The following RLN2 variants were observed in gnomAD, a reference collection of about 807,000 sequenced individuals.
RLN2 encodes the protein relaxin 2.
A neutral mutation model predicts 7.3 loss-of-function variants in RLN2; 10 were observed. The ratio of observed to expected loss-of-function variants is 1.36; its 90% CI spans 0.84 to 2.31. RLN2 has a LOEUF of 2.31. Among genes scored for constraint, RLN2 ranks in the 30% most tolerant of loss-of-function variants. RLN2 has a pLI of 0.00. For missense variants in RLN2, 298 were observed against 217.6 expected (o/e 1.37, Z -2.32); for synonymous variants, 103 against 82.3 (o/e 1.25, Z -1.36).
chr9:5,314,031 ACAGTCCTCACCTCTGGTGACCCCTG>A, the RLN2 span, among the ~76,000 whole-genome samples: 1 of 151,906 alleles, frequency 6.6e-6, no homozygotes, highest in Non-Finnish European at 1.5e-5. Context: ...TTAGGCACCT[ACAGTCCTCACCTCTGGTGACCCCTG>A]CAGTTCTCAC....
chr9:5,331,637 G>A, the RLN2 span, among the ~76,000 whole-genome samples: 4 of 149,852 alleles, frequency 2.7e-5, no homozygotes, highest in Non-Finnish European at 5.9e-5. Flanking sequence ...TGGACACAGG[G>A]TGGGGAACAT....
the RLN2 span, among the ~76,000 whole-genome samples, chr9:5,331,375 A>C: frequency 5.9e-5 from 9 of 151,968 alleles, no homozygotes; most frequent in African/African-American, 2.2e-4. Flanking sequence ...ACATGCACAC[A>C]TATGTTTATT....
chr9:5,317,994 A>ATGTGTGTGTGTG, the RLN2 span, among the ~76,000 whole-genome samples: 1 of 64,734 alleles, frequency 1.5e-5, no homozygotes, highest in African/African-American at 8.1e-5. Context: ...TAACAAAACT[A>ATGTGTGTGTGTG]TGTGTGTGTG....
the RLN2 span, among the ~76,000 whole-genome samples, chr9:5,315,627 A>G: frequency 6.6e-6 from 1 of 152,034 alleles, no homozygotes; most frequent in Non-Finnish European, 1.5e-5. Flanking sequence ...GATCTCAAAT[A>G]GGTCCTCTCC....
chr9:5,300,105 A>G lies in RLN2; in HGVS notation c.551T>C (p.Phe184Ser). 1 of 1,592,420 alleles carries G rather than the reference A, an allele frequency of 6.3e-7. No homozygotes were observed. The highest frequency in any genetic ancestry group is 8.5e-7 in the Non-Finnish European group (1 of 1,171,768). The change falls in exon 2 of 2, where the codon TTT (phenylalanine) becomes TCT (serine). Residue 184 changes from phenylalanine (F) to serine (S), a missense_variant. By Grantham distance (155) the Phe-to-Ser change is radical (BLOSUM62 -2). Transcript: ENST00000381627. ...VGCTKRSLARFC is the reference protein window; with the variant it reads ...VGCTKRSLARSC ...TGCACAATTAGCTTCATCTCAGCAA[A>G]ATCTAGCAAGAGATCTTTTGGTACA...
chr9:5,330,415 G>A, the RLN2 span, among the ~76,000 whole-genome samples: 4 of 152,000 alleles, frequency 2.6e-5, no homozygotes, highest in Admixed American at 1.3e-4. Flanking sequence ...GAGGAGGGCA[G>A]ATCACGAGGT....
intron 1 of RLN2, among the ~76,000 whole-genome samples, chr9:5,302,989 C>T (rs1816180960): frequency 7.9e-6 from 1 of 126,392 alleles, no homozygotes; most frequent in Non-Finnish European, 1.6e-5. Context: ...TCATTTTTCA[C>T]GCTGCATTAA....
the RLN2 span, among the ~76,000 whole-genome samples, chr9:5,323,918 T>C: frequency 2.6e-5 from 4 of 151,756 alleles, no homozygotes; most frequent in African/African-American, 9.7e-5. Context: ...TGTGTTGATA[T>C]GTGCCTGTAG....
the RLN2 span, among the ~76,000 whole-genome samples, chr9:5,312,192 ATGGCCACCT>A: frequency 6.6e-6 from 1 of 152,022 alleles, no homozygotes. Context: ...TTTGACACAC[ATGGCCACCT>A]TGGCACAAAG....
At chr9:5,304,109 A>G (rs1816186027) in intron 1 of RLN2, 1 of 326,790 alleles carries the variant, frequency 3.1e-6, no homozygotes, top group Non-Finnish European at 5.2e-6. Context: ...AAGGGCACCA[A>G]GGAACTCTCG....
At chr9:5,306,243 G>C (rs1426645006), upstream of RLN2, among the ~76,000 whole-genome samples, 2 of 151,462 alleles carry the variant, frequency 1.3e-5, no homozygotes, top group Non-Finnish European at 2.9e-5. Flanking sequence ...AAGTAGCTGG[G>C]ATTACAGGTG....
intron 1 of RLN2, among the ~76,000 whole-genome samples, chr9:5,301,068 A>T (rs1420406027): frequency 6.6e-6 from 1 of 152,210 alleles, no homozygotes; most frequent in African/African-American, 2.4e-5. Context: ...ATAGTATTTT[A>T]TATGAAAGAG....
chr9:5,327,805 C>T, the RLN2 span, among the ~76,000 whole-genome samples: 1 of 152,018 alleles, frequency 6.6e-6, no homozygotes, highest in African/African-American at 2.4e-5. Context: ...CTCCAACACA[C>T]CTGCAGCTGA....
the RLN2 span, among the ~76,000 whole-genome samples, chr9:5,321,257 C>G: frequency 2.7e-3 from 414 of 152,086 alleles, 8 homozygotes; most frequent in African/African-American, 9.4e-3. Flanking sequence ...TTGAACCAAC[C>G]CATTAGAAAA....
Position 5,304,422 on chromosome 9 carries a change from G to A in RLN2, c.159C>T (p.Ser53=), listed in dbSNP as rs375870142. 2.5e-6 allele frequency: 4 copies of A among 1,611,636 alleles called. No homozygotes were observed. Among genetic ancestry groups the A allele is most frequent in the Non-Finnish European group, 3.4e-6 (4 of 1,179,314 alleles). The change falls in exon 1 of 2, where the codon AGC becomes AGT. Residue 53 remains serine (S), a synonymous_variant. Transcript: ENST00000381627. Reference sequence around the variant, plus strand: ...CATCTTCCTGGCTCAGAGACCTTTTGCTCCAGGTGCTCATGCCGCAAATGG... The same window carrying A: ...CATCTTCCTGGCTCAGAGACCTTTTACTCCAGGTGCTCATGCCGCAAATGG... The part of the protein sequence containing the change: ...QIAICGMSTW[S]KRSLSQEDAP...
the RLN2 span, among the ~76,000 whole-genome samples, chr9:5,335,930 T>G: frequency 6.6e-6 from 1 of 152,072 alleles, no homozygotes; most frequent in African/African-American, 2.4e-5. Flanking sequence ...TTGGAAACAG[T>G]TTGGCCACAC....
intron 1 of RLN2, among the ~76,000 whole-genome samples, chr9:5,302,624 T>A (rs139863265): frequency 5.6e-4 from 86 of 152,328 alleles, no homozygotes; most frequent in East Asian, 2.9e-3. Flanking sequence ...AAATACTTTG[T>A]AATCTCATGT....
At chr9:5,326,022 G>A in the RLN2 span, among the ~76,000 whole-genome samples, 1 of 151,942 alleles carries the variant, frequency 6.6e-6, no homozygotes, top group Non-Finnish European at 1.5e-5. Context: ...CAGTTATAAT[G>A]AAGTCTGACC....
upstream of RLN2, among the ~76,000 whole-genome samples, chr9:5,309,003 C>T (rs914318107): frequency 1.3e-5 from 2 of 152,070 alleles, no homozygotes; most frequent in East Asian, 3.9e-4. Flanking sequence ...TGTCCTTATC[C>T]TCCATCCTGT....
Sources: gnomAD v4.1 joint callset for allele counts (sites outside exome capture counted in the v4.1 genomes callset) on GRCh38, gnomAD v4.1.1 for gene constraint, MANE v1.5 for transcripts, NCBI Gene and HGNC (gene_info 2026-07-23, HGNC 2026-07-21) for gene names.